ATRNL1: variants seen among roughly 807,000 people sequenced by gnomAD.
ATRNL1 encodes the protein attractin-like protein 1.
ATRNL1 carries 95 observed loss-of-function variants against 182.7 expected under a neutral mutation model. That is an observed-to-expected ratio of 0.52 (90% CI 0.44 to 0.62). ATRNL1 has a LOEUF of 0.62. Ranked by LOEUF, ATRNL1 falls within the 20% of genes least tolerant of loss-of-function variation. The pLI is 0.00. For synonymous variants in ATRNL1, 576 were observed against 568.3 expected (o/e 1.01, Z -0.19); for missense variants, 1,471 against 1,679.5 (o/e 0.88, Z 2.17).
chr10:115,185,437 G>T (rs563350084), intron 8 of ATRNL1, among the ~76,000 whole-genome samples: 75 of 152,112 alleles, frequency 4.9e-4, no homozygotes, highest in African/African-American at 1.8e-3. Flanking sequence ...CCTTCTAGGG[G>T]ATCCCATTGG....
rs782770676 is a variant in ATRNL1 at position 115,300,194 on chromosome 10, A to G, written c.2576A>G (p.Lys859Arg). Residue 859 changes from lysine to arginine, a missense_variant, in exon 16 of 29, where the codon AAA (lysine) becomes AGA (arginine). Coordinates refer to ENST00000355044, the MANE Select transcript of ATRNL1 (RefSeq NM_207303.4). ...GAAAGGGCTGCAGTGGCAGGCTTAA[A>G]AGCTAATCCTTGTACATCTATGGCA... Reference protein sequence around the residue: ...YLERAAVAGLKANPCTSMANG... With the variant: ...YLERAAVAGLRANPCTSMANG... 5.0e-6 allele frequency: 8 copies of G among 1,613,976 alleles called. 1 individual carries two copies. In the South Asian group the frequency reaches 8.8e-5, roughly 18 times the overall value.
rs186768130 is a variant in ATRNL1 at position 115,428,086 on chromosome 10, A to G, written c.3322+1784A>G. Among the ~76,000 whole-genome samples the G allele has an allele frequency of 2.9e-3, 440 of 152,034 alleles. 2 individuals are homozygous for G. The highest frequency in any genetic ancestry group is 3.0e-3 in the Non-Finnish European group (201 of 67,880). ...TTTTCTCAATTCTTTAATTTTTACTATTAATATTTTATAGTTATAACTGTA... is the reference window on the plus strand; with the variant it reads ...TTTTCTCAATTCTTTAATTTTTACTGTTAATATTTTATAGTTATAACTGTA... On this transcript the variant is annotated intron_variant, in intron 21 of 28. Coordinates refer to ENST00000355044, the MANE Select transcript of ATRNL1 (RefSeq NM_207303.4).
intron 1 of ATRNL1, among the ~76,000 whole-genome samples, chr10:115,112,203 G>A (rs1176203314): frequency 2.0e-4 from 31 of 152,230 alleles, no homozygotes; most frequent in African/African-American, 7.2e-4. Context: ...AAGTGAAAGA[G>A]TATTGTTAAA....
intron 27 of ATRNL1, among the ~76,000 whole-genome samples, chr10:115,793,032 TA>T (rs1197379704): frequency 6.6e-6 from 1 of 152,048 alleles, no homozygotes; most frequent in Admixed American, 6.6e-5. Context: ...ATATAAGTAG[TA>T]AAACTTTAAG....
intron 20 of ATRNL1, among the ~76,000 whole-genome samples, chr10:115,413,902 A>T (rs1845260066): frequency 6.6e-6 from 1 of 152,022 alleles, no homozygotes; most frequent in East Asian, 1.9e-4. Context: ...AGGAAATAAT[A>T]ATTTATTTAT....
chr10:115,725,558 T>C (rs1240951368), intron 26 of ATRNL1, among the ~76,000 whole-genome samples: 2 of 152,126 alleles, frequency 1.3e-5, no homozygotes, highest in African/African-American at 2.4e-5. Flanking sequence ...ATGGAGATAA[T>C]TGATAATACA....
intron 13 of ATRNL1, among the ~76,000 whole-genome samples, chr10:115,271,471 C>T (rs944250083): frequency 6.6e-5 from 10 of 151,812 alleles, no homozygotes; most frequent in Middle Eastern, 3.4e-3. Context: ...AATTCCTCAA[C>T]GATCTAGAAC....
chr10:115,801,474 C>T (rs1949790783), intron 27 of ATRNL1, among the ~76,000 whole-genome samples: 1 of 152,218 alleles, frequency 6.6e-6, no homozygotes, highest in Non-Finnish European at 1.5e-5. Flanking sequence ...CTTAACCATT[C>T]TGCCCTTTAT....
chr10:115,751,240 G>A lies in ATRNL1; in HGVS notation c.3903+23885G>A, dbSNP rs1188589114. On this transcript the variant is annotated intron_variant, in intron 27 of 28. Transcript: ENST00000355044. Reference sequence around the variant, plus strand: ...GGAATGTGGGCAACCTCTACAAGCTGGAAAAGGCAATGAAATGGATTTTCT... The same window carrying A: ...GGAATGTGGGCAACCTCTACAAGCTAGAAAAGGCAATGAAATGGATTTTCT... Among the ~76,000 whole-genome samples the A allele has an allele frequency of 2.0e-5, 3 of 151,948 alleles. No individual in the cohort carries two copies. In the East Asian group the frequency reaches 5.8e-4, roughly 29 times the overall value.
intron 10 of ATRNL1, among the ~76,000 whole-genome samples, chr10:115,255,843 C>A (rs946332312): frequency 1.3e-4 from 20 of 152,066 alleles, no homozygotes; most frequent in Non-Finnish European, 2.4e-4. Flanking sequence ...AGTTTTTAGC[C>A]TGAAGGGCTG....
intron 26 of ATRNL1, among the ~76,000 whole-genome samples, chr10:115,564,264 TATTA>T (rs1352681441): frequency 6.6e-6 from 1 of 151,986 alleles, no homozygotes; most frequent in Non-Finnish European, 1.5e-5. Context: ...TATTATAGTA[TATTA>T]ATTATTTCCA....
chr10:115,282,045 ATTAC>A (rs1281392313), intron 14 of ATRNL1, among the ~76,000 whole-genome samples: 205 of 139,528 alleles, frequency 1.5e-3, no homozygotes, highest in African/African-American at 5.3e-3. Context: ...ACATAAATAT[ATTAC>A]TTATATAATA....
At chr10:115,413,949 A>G (rs968036395) in intron 20 of ATRNL1, among the ~76,000 whole-genome samples, 47 of 152,044 alleles carry the variant, frequency 3.1e-4, no homozygotes, top group Admixed American at 6.6e-5. Flanking sequence ...ACATACATGC[A>G]TACATATGCA....
chr10:115,919,339 C>T (rs1049684960), intron 28 of ATRNL1, among the ~76,000 whole-genome samples: 1 of 152,166 alleles, frequency 6.6e-6, no homozygotes, highest in Non-Finnish European at 1.5e-5. Flanking sequence ...TAAGAAACGG[C>T]GTGTTCACTC....
chr10:115,230,375 C>T (rs1187623953), intron 9 of ATRNL1, among the ~76,000 whole-genome samples: 1 of 152,168 alleles, frequency 6.6e-6, no homozygotes, highest in East Asian at 1.9e-4. Context: ...GATTAAGGAG[C>T]GAGCCATGCA....
intron 24 of ATRNL1, among the ~76,000 whole-genome samples, chr10:115,511,192 T>C (rs1850367093): frequency 6.6e-6 from 1 of 151,996 alleles, no homozygotes; most frequent in African/African-American, 2.4e-5. Context: ...GTCTGAATTA[T>C]ATACATTATT....
chr10:115,468,185 G>A (rs1848143091), intron 23 of ATRNL1, among the ~76,000 whole-genome samples: 1 of 150,762 alleles, frequency 6.6e-6, no homozygotes, highest in East Asian at 1.9e-4. Context: ...TTTCATTAAG[G>A]AAAAATTCGT....
chr10:115,811,655 C>A (rs1950049339), intron 27 of ATRNL1, among the ~76,000 whole-genome samples: 1 of 151,982 alleles, frequency 6.6e-6, no homozygotes, highest in Admixed American at 6.6e-5. Flanking sequence ...TAAGCACATA[C>A]ACATTCAGCT....
chr10:115,134,325 A>G (rs372865165), intron 5 of ATRNL1, among the ~76,000 whole-genome samples: 1 of 152,328 alleles, frequency 6.6e-6, no homozygotes, highest in East Asian at 1.9e-4. Flanking sequence ...GAAGAATCAA[A>G]TAGATGCAAT....
Sources: gnomAD v4.1 joint callset for allele counts (sites outside exome capture counted in the v4.1 genomes callset) on GRCh38, gnomAD v4.1.1 for gene constraint, MANE v1.5 for transcripts, NCBI Gene and HGNC (gene_info 2026-07-23, HGNC 2026-07-21) for gene names.